SPAG17: variants seen among roughly 807,000 people sequenced by gnomAD.
SPAG17 encodes the protein sperm associated antigen 17.
SPAG17 carries 169 observed loss-of-function variants against 273.6 expected under a neutral mutation model. The observed-to-expected ratio is 0.62, with a 90% CI of 0.55 to 0.70. The LOEUF is 0.70. Ranked by LOEUF, SPAG17 falls within the 30% of genes least tolerant of loss-of-function variation. The pLI is 0.00. For missense variants in SPAG17, 2,557 were observed against 2,627.8 expected (o/e 0.97, Z 0.59); for synonymous variants, 825 against 873.2 (o/e 0.94, Z 0.97).
At chr1:118,068,153 T>A (rs1376976947) in intron 17 of SPAG17, among the ~76,000 whole-genome samples, 3 of 148,758 alleles carry the variant, frequency 2.0e-5, no homozygotes, top group Non-Finnish European at 4.5e-5. Flanking sequence ...ATATATATAA[T>A]ATATATATAT....
intron 29 of SPAG17, 75 bp from the exon 30 acceptor site, chr1:118,012,447 A>C: frequency 1.0e-5 from 15 of 1,495,098 alleles, no homozygotes; most frequent in Non-Finnish European, 1.4e-5. Context: ...TATCCATTGA[A>C]TACGAAGATG....
In SPAG17 at chr1:118,016,080, C is replaced by A; in HGVS notation, c.4172G>T (p.Gly1391Val). The A allele has an allele frequency of 3.1e-6, 5 of 1,614,018 alleles. No individual in the cohort carries two copies. The African/African-American group carries it at 6.7e-5, about 22-fold the overall frequency. ...QTVTPVEVHI[G>V]TWFTTTPEGN... Reference sequence around the variant, plus strand: ...TTCAGGTGTGGTTGTAAACCAGGTGCCTATGTGAACCTCCACAGGAGTTAC... The same window carrying A: ...TTCAGGTGTGGTTGTAAACCAGGTGACTATGTGAACCTCCACAGGAGTTAC... The change falls in exon 29 of 49, where the codon GGC becomes GTC. Residue 1391 changes from glycine to valine, a missense_variant. Coordinates refer to ENST00000336338, the MANE Select transcript of SPAG17 (RefSeq NM_206996.4).
intron 41 of SPAG17, 122 bp downstream of exon 41, chr1:117,984,561 C>T: frequency 1.6e-6 from 1 of 644,592 alleles, no homozygotes; most frequent in African/African-American, 1.9e-5. Flanking sequence ...ACAGGTTAGT[C>T]AGCCAGGTCG....
chr1:117,984,272 T>C (rs1656165777), intron 41 of SPAG17, among the ~76,000 whole-genome samples: 1 of 152,174 alleles, frequency 6.6e-6, no homozygotes, highest in African/African-American at 2.4e-5. Context: ...TCCCTGAGCT[T>C]CCAAGAACTC....
chr1:118,071,421 G>T (rs987276567), intron 17 of SPAG17, among the ~76,000 whole-genome samples: 2 of 151,984 alleles, frequency 1.3e-5, no homozygotes, highest in East Asian at 1.9e-4. Context: ...AGGCCAAGGC[G>T]GGTGGATCAC....
chr1:118,003,825 C>T (rs536958101), intron 32 of SPAG17, among the ~76,000 whole-genome samples: 58 of 152,306 alleles, frequency 3.8e-4, no homozygotes, highest in African/African-American at 1.3e-3. Flanking sequence ...GTCAACTCAT[C>T]AAAGTCAGTC....
At chr1:118,086,350 C>T (rs1047485309) in intron 12 of SPAG17, among the ~76,000 whole-genome samples, 2 of 152,142 alleles carry the variant, frequency 1.3e-5, no homozygotes, top group African/African-American at 2.4e-5. Flanking sequence ...TTTTGAGATC[C>T]TTTTCTGGCT....
chr1:118,079,303 T>C (rs1654349871), intron 15 of SPAG17, among the ~76,000 whole-genome samples: 1 of 152,094 alleles, frequency 6.6e-6, no homozygotes, highest in Admixed American at 6.6e-5. Context: ...GGTAAGTTAT[T>C]CTTTTCCAGT....
intron 6 of SPAG17, among the ~76,000 whole-genome samples, chr1:118,098,835 C>A (rs1467111006): frequency 6.6e-6 from 1 of 152,122 alleles, no homozygotes; most frequent in East Asian, 1.9e-4. Context: ...CTATTTCTAA[C>A]TTTATAGAGC....
At chr1:117,975,598 G>A (rs761024698) in intron 43 of SPAG17, among the ~76,000 whole-genome samples, 7 of 152,118 alleles carry the variant, frequency 4.6e-5, no homozygotes, top group East Asian at 1.9e-4. Context: ...TTACTACTCC[G>A]GGTGTCCCAA....
rs773018272 is a variant in SPAG17, at chr1:117,991,504, T to C, written c.5386A>G (p.Lys1796Glu). Residue 1796 changes from lysine to glutamate, a missense_variant, in exon 37 of 49, where the codon AAA (lysine) becomes GAA (glutamate). By Grantham distance (56) the Lys-to-Glu change is moderately conservative (BLOSUM62 1). Coordinates refer to ENST00000336338, the MANE Select transcript of SPAG17 (RefSeq NM_206996.4). ...ATCATTTCCTGCAGCTCATCTTCTT[T>C]CTTTAGAATATAGTTTATGTAATCC... The part of the protein sequence containing the change: ...LKDYINYILK[K>E]EDELQEMMVK... 1.7e-5 allele frequency: 27 copies of C among 1,609,758 alleles called. No homozygotes were observed. The highest frequency in any genetic ancestry group is 2.1e-5 in the Non-Finnish European group (25 of 1,176,530).
chr1:117,970,150 C>G (rs1654390042), intron 45 of SPAG17, 34 bp from the exon 46 acceptor site: 4 of 1,590,264 alleles, frequency 2.5e-6, no homozygotes, highest in Non-Finnish European at 3.4e-6. Context: ...AAATTTATGA[C>G]ATAATGAAAC....
chr1:117,957,638 G>GAA (rs1263564167), intron 48 of SPAG17, among the ~76,000 whole-genome samples: 1 of 152,310 alleles, frequency 6.6e-6, no homozygotes, highest in East Asian at 1.9e-4. Flanking sequence ...GTATGGCTTT[G>GAA]AATGTGGCCC....
intron 1 of SPAG17, among the ~76,000 whole-genome samples, chr1:118,153,789 G>A (rs1468742772): frequency 6.6e-6 from 1 of 151,992 alleles, no homozygotes; most frequent in Non-Finnish European, 1.5e-5. Context: ...GCAGTGCAGT[G>A]AGCTGAGATC....
rs759899462 is a variant in SPAG17, at chr1:117,996,438, TCTTC to T, written c.4981_4984del (p.Glu1661AsnfsTer26). The stretch of plus-strand genomic sequence containing the variant: ...TTCTTTATATGCCAAAGATAGATAT[TCTTC>T]TATGTCACTGTCTCGAAGAAGTTCC... On this transcript the variant is annotated frameshift_variant, in exon 34 of 49. Transcript: ENST00000336338. LOFTEE classifies it high-confidence loss of function. The T allele has an allele frequency of 3.7e-6, 6 of 1,612,994 alleles. No individual in the cohort carries two copies. The highest frequency in any genetic ancestry group is 4.2e-6 in the Non-Finnish European group (5 of 1,179,416).
chr1:118,009,804 A>G (rs1436936920), intron 30 of SPAG17, among the ~76,000 whole-genome samples: 2 of 152,190 alleles, frequency 1.3e-5, no homozygotes, highest in African/African-American at 4.8e-5. Context: ...ATTATTCACA[A>G]AAACCAAGAT....
rs542527112 is a variant in SPAG17, at chr1:117,973,258, A to G, written c.6141+167T>C. ...TAAGTTTAAAGAGCTTCATGGTGAG[A>G]TGGTAGATACGGTCAATAGCAGTAC... On this transcript the variant is annotated intron_variant, in intron 44 of 48. Transcript: ENST00000336338. Among the ~76,000 whole-genome samples, 124 of 152,298 alleles carry G rather than the reference A, an allele frequency of 8.1e-4. 1 individual carries two copies. Among genetic ancestry groups the G allele is most frequent in the Non-Finnish European group, 1.6e-3 (108 of 67,998 alleles).
At chr1:118,096,032 C>A (rs10923493) in intron 7 of SPAG17, among the ~76,000 whole-genome samples, 1 of 152,088 alleles carries the variant, frequency 6.6e-6, no homozygotes, top group African/African-American at 2.4e-5. Flanking sequence ...TCATTTTCCA[C>A]GCAGAGAACA....
At chr1:118,070,361 A>C (rs1653455400) in intron 17 of SPAG17, among the ~76,000 whole-genome samples, 1 of 152,202 alleles carries the variant, frequency 6.6e-6, no homozygotes, top group African/African-American at 2.4e-5. Flanking sequence ...AGTGGCACTG[A>C]AAATAGGAAG....
Sources: allele counts gnomAD v4.1 joint callset (sites outside exome capture counted in the v4.1 genomes callset), GRCh38; gene constraint gnomAD v4.1.1; transcripts MANE v1.5; gene names NCBI Gene and HGNC (gene_info 2026-07-23, HGNC 2026-07-21).